The following GRM7 variants were observed in gnomAD, a reference collection of about 807,000 sequenced individuals.
GRM7 encodes the protein metabotropic glutamate receptor 7.
A neutral mutation model predicts 84.5 loss-of-function variants in GRM7; 35 were observed. The ratio of observed to expected loss-of-function variants is 0.41; its 90% confidence interval spans 0.32 to 0.55. The LOEUF (loss-of-function observed/expected upper bound fraction) is 0.55. Ranked by LOEUF, GRM7 falls within the 20% of genes least tolerant of loss-of-function variation. GRM7 has a pLI of 0.19. For synonymous variants in GRM7, 487 were observed against 455.1 expected (o/e 1.07, Z -0.89); for missense variants, 1,003 against 1,194.6 (o/e 0.84, Z 2.36).
intron 4 of GRM7, among the ~76,000 whole-genome samples, chr3:7,343,158 C>A (rs1025901692): frequency 9.9e-5 from 15 of 152,104 alleles, no homozygotes. Context: ...TGACATGTGG[C>A]CCCCTTTAGC....
chr3:7,139,926 G>A, intron 1 of GRM7, among the ~76,000 whole-genome samples: 1 of 151,970 alleles, frequency 6.6e-6, no homozygotes, highest in East Asian at 1.9e-4. Context: ...CTGATAAGGA[G>A]ATAATATCCA....
chr3:7,120,433 G>A (rs986642946), intron 1 of GRM7, among the ~76,000 whole-genome samples: 1 of 152,008 alleles, frequency 6.6e-6, no homozygotes, highest in African/African-American at 2.4e-5. Context: ...GTTTTCTAAA[G>A]GATTGATTGA....
At chr3:7,276,249 G>A (rs6785001) in intron 2 of GRM7, among the ~76,000 whole-genome samples, 9,704 of 143,426 alleles carry the variant, frequency 0.068, 912 homozygotes, top group African/African-American at 0.21. Flanking sequence ...GTGTGTGTGT[G>A]TATATATAAT....
intron 1 of GRM7, among the ~76,000 whole-genome samples, chr3:7,137,494 C>T (rs1431137535): frequency 6.6e-6 from 1 of 152,022 alleles, no homozygotes; most frequent in African/African-American, 2.4e-5. Context: ...ATGAGAATTG[C>T]TCTCAAACCT....
intron 2 of GRM7, among the ~76,000 whole-genome samples, chr3:7,238,375 G>C (rs1204955287): frequency 6.6e-6 from 1 of 152,164 alleles, no homozygotes; most frequent in Non-Finnish European, 1.5e-5. Context: ...CTCAGGACAA[G>C]TCCGAATCTA....
chr3:7,325,669 A>G (rs1315039473), intron 4 of GRM7, among the ~76,000 whole-genome samples: 3 of 152,150 alleles, frequency 2.0e-5, no homozygotes, highest in African/African-American at 7.2e-5. Context: ...ATAAATCTAA[A>G]TGGTGTTGAC....
At chr3:7,453,919 C>T (rs1452605107) in intron 6 of GRM7, among the ~76,000 whole-genome samples, 1 of 152,012 alleles carries the variant, frequency 6.6e-6, no homozygotes, top group African/African-American at 2.4e-5. Context: ...GGGCTGATAG[C>T]GTATTAACAA....
chr3:7,372,714 A>AATG (rs1229691217), intron 4 of GRM7, among the ~76,000 whole-genome samples: 4 of 152,214 alleles, frequency 2.6e-5, no homozygotes, highest in African/African-American at 9.6e-5. Context: ...TGTCAAGGAC[A>AATG]ATGAACAATT....
At chr3:7,684,634 G>A (rs1559486024) in intron 9 of GRM7, among the ~76,000 whole-genome samples, 1 of 152,074 alleles carries the variant, frequency 6.6e-6, no homozygotes, top group Non-Finnish European at 1.5e-5. Flanking sequence ...TTTTCCTCAA[G>A]AAATATAATT....
intron 2 of GRM7, among the ~76,000 whole-genome samples, chr3:7,287,132 C>G (rs1185776826): frequency 1.3e-5 from 2 of 152,104 alleles, no homozygotes; most frequent in African/African-American, 4.8e-5. Flanking sequence ...CAGAATAATT[C>G]TGCCAGTAAG....
At chr3:6,938,734 A>G (rs1167925835) in intron 1 of GRM7, among the ~76,000 whole-genome samples, 4 of 152,164 alleles carry the variant, frequency 2.6e-5, no homozygotes, top group Admixed American at 6.5e-5. Context: ...GAAATTCTGG[A>G]CCATGAAGGT....
chr3:6,964,244 T>C (rs1176063117), intron 1 of GRM7, among the ~76,000 whole-genome samples: 1 of 152,162 alleles, frequency 6.6e-6, no homozygotes, highest in Non-Finnish European at 1.5e-5. Flanking sequence ...CTCACAGTTC[T>C]GTAGTCTAGA....
intron 4 of GRM7, among the ~76,000 whole-genome samples, chr3:7,310,399 G>A (rs1229968532): frequency 2.6e-5 from 4 of 152,132 alleles, no homozygotes; most frequent in Admixed American, 6.6e-5. Flanking sequence ...TGATTTGAAT[G>A]AATTCTTTAT....
intron 7 of GRM7, among the ~76,000 whole-genome samples, chr3:7,499,961 A>C (rs566516354): frequency 6.6e-6 from 1 of 152,084 alleles, no homozygotes; most frequent in Non-Finnish European, 1.5e-5. Context: ...TTTTTAGTGG[A>C]GACGGGGTTT....
At position 7,661,794 on chromosome 3, in the gene GRM7, C is replaced by CAAAAAAAAAAAAAAAAAAAAA. The variant is rs71043686; in HGVS notation, c.2452-18249_2452-18229dup. ...GGGCCACAGAGCGAGGTCTCCGTCT[C>CAAAAAAAAAAAAAAAAAAAAA]AAAAAAAAAAAAAAAAAAAAAAAAA... On this transcript the variant is annotated intron_variant, in intron 8 of 9. Coordinates refer to ENST00000357716, the MANE Select transcript of GRM7 (RefSeq NM_000844.4). Among the ~76,000 whole-genome samples the CAAAAAAAAAAAAAAAAAAAAA allele has an allele frequency of 2.0e-3, 56 of 28,200 alleles. 9 individuals carry two copies. Among genetic ancestry groups the CAAAAAAAAAAAAAAAAAAAAA allele is most frequent in the Non-Finnish European group, 2.3e-3 (39 of 17,186 alleles). 18.5% of individuals were successfully genotyped at this position (28,200 alleles called of 152,430 possible).
At chr3:6,900,728 T>C (rs991662523) in intron 1 of GRM7, among the ~76,000 whole-genome samples, 5 of 152,204 alleles carry the variant, frequency 3.3e-5, no homozygotes, top group Non-Finnish European at 7.3e-5. Context: ...TATTTGAATG[T>C]CATTTCAAAA....
chr3:7,527,425 A>G (rs140044755), intron 7 of GRM7, among the ~76,000 whole-genome samples: 129 of 152,010 alleles, frequency 8.5e-4, no homozygotes, highest in African/African-American at 3.0e-3. Flanking sequence ...GAGTCTTTTC[A>G]TGGAGTCTTT....
At chr3:6,977,779 G>T (rs1046612341) in intron 1 of GRM7, among the ~76,000 whole-genome samples, 1 of 152,156 alleles carries the variant, frequency 6.6e-6, no homozygotes, top group Non-Finnish European at 1.5e-5. Flanking sequence ...ACTTCAGTGG[G>T]TTAAGGAGCC....
intron 1 of GRM7, among the ~76,000 whole-genome samples, chr3:6,938,577 A>T (rs539372705): frequency 5.3e-5 from 8 of 152,348 alleles, no homozygotes; most frequent in African/African-American, 1.7e-4. Flanking sequence ...ACAGCTTAAG[A>T]GAGACAGGCA....
Sources: allele counts gnomAD v4.1 joint callset (sites outside exome capture counted in the v4.1 genomes callset), GRCh38; gene constraint gnomAD v4.1.1; transcripts MANE v1.5; gene names NCBI Gene and HGNC (gene_info 2026-07-23, HGNC 2026-07-21).